LRRC8D: variants seen among roughly 807,000 people sequenced by gnomAD.
LRRC8D encodes the protein volume-regulated anion channel subunit LRRC8D.
In LRRC8D, 20 loss-of-function variants were observed where a neutral mutation model predicts 55.8. The ratio of observed to expected loss-of-function variants is 0.36; its 90% confidence interval spans 0.25 to 0.52. The LOEUF is 0.52. LRRC8D is among the 20% of genes least tolerant of loss of function. The probability of loss-of-function intolerance (pLI) is 0.93; values close to 1 mark genes in which losing one functional copy is unlikely to be tolerated. For synonymous variants in LRRC8D, 352 were observed against 377.0 expected (o/e 0.93, Z 0.77); for missense variants, 651 against 1,030.8 (o/e 0.63, Z 5.05).
intron 1 of LRRC8D, among the ~76,000 whole-genome samples, chr1:89,834,719 T>G (rs1660965630): frequency 6.6e-6 from 1 of 152,024 alleles, no homozygotes; most frequent in Admixed American, 6.6e-5. Context: ...TCAGGGGAGG[T>G]CTCACAAGGA....
chr1:89,907,812 C>A (rs1663033011), intron 2 of LRRC8D, among the ~76,000 whole-genome samples: 1 of 152,106 alleles, frequency 6.6e-6, no homozygotes, highest in Non-Finnish European at 1.5e-5. Flanking sequence ...CACCACCAGC[C>A]CCCTTGCGCC....
chr1:89,861,025 G>C (rs1357278989), intron 2 of LRRC8D, among the ~76,000 whole-genome samples: 1 of 151,920 alleles, frequency 6.6e-6, no homozygotes, highest in Non-Finnish European at 1.5e-5. Flanking sequence ...AAGCCATGCA[G>C]AGCTGGGCTG....
intron 1 of LRRC8D, among the ~76,000 whole-genome samples, chr1:89,839,219 G>A (rs1190146317): frequency 6.6e-6 from 1 of 152,216 alleles, no homozygotes; most frequent in Non-Finnish European, 1.5e-5. Flanking sequence ...TCCCTGCGAA[G>A]GTAGTTCTGA....
chr1:89,924,748 T>G (rs916058202), intron 2 of LRRC8D, among the ~76,000 whole-genome samples: 7 of 152,198 alleles, frequency 4.6e-5, no homozygotes, highest in Admixed American at 3.9e-4. Context: ...GAAAAGAATA[T>G]ATCATGTTTT....
intron 2 of LRRC8D, chr1:89,846,727 C>A (rs570859039): frequency 6.6e-6 from 1 of 151,988 alleles, no homozygotes; most frequent in South Asian, 2.1e-4. Flanking sequence ...GTGTCTGTGA[C>A]TAGATTTAGC....
At chr1:89,920,807 T>C (rs1259072938) in intron 2 of LRRC8D, among the ~76,000 whole-genome samples, 1 of 152,060 alleles carries the variant, frequency 6.6e-6, no homozygotes, top group Non-Finnish European at 1.5e-5. Flanking sequence ...GGGTGTGCTG[T>C]GTGAGTATCT....
chr1:89,896,718 T>G (rs1158111662), intron 2 of LRRC8D, among the ~76,000 whole-genome samples: 1 of 152,204 alleles, frequency 6.6e-6, no homozygotes, highest in Non-Finnish European at 1.5e-5. Flanking sequence ...ATCACACTAG[T>G]GATGATAATA....
chr1:89,836,314 T>G (rs1053994104), intron 1 of LRRC8D, among the ~76,000 whole-genome samples: 1 of 152,220 alleles, frequency 6.6e-6, no homozygotes, highest in South Asian at 2.1e-4. Flanking sequence ...ATTAAAGAAA[T>G]TAGAAATTAT....
At chr1:89,921,388 A>G (rs1200244100) in intron 2 of LRRC8D, among the ~76,000 whole-genome samples, 1 of 152,166 alleles carries the variant, frequency 6.6e-6, no homozygotes, top group Non-Finnish European at 1.5e-5. Flanking sequence ...TGTTATATTG[A>G]TTACATTAAT....
intron 2 of LRRC8D, among the ~76,000 whole-genome samples, chr1:89,893,673 AG>A (rs1384161635): frequency 6.6e-6 from 1 of 152,164 alleles, no homozygotes; most frequent in Non-Finnish European, 1.5e-5. Flanking sequence ...TTTAATATCT[AG>A]TATTTTAGAA....
At chr1:89,892,834 C>T (rs536701699) in intron 2 of LRRC8D, among the ~76,000 whole-genome samples, 1 of 152,156 alleles carries the variant, frequency 6.6e-6, no homozygotes, top group Non-Finnish European at 1.5e-5. Context: ...ATTGATATTT[C>T]TGTCAAATTC....
intron 2 of LRRC8D, among the ~76,000 whole-genome samples, chr1:89,906,487 T>C (rs1441227351): frequency 6.6e-6 from 1 of 152,244 alleles, no homozygotes; most frequent in Non-Finnish European, 1.5e-5. Context: ...CCTTTTCTAT[T>C]TTCCCCAACT....
At chr1:89,892,950 G>C (rs1662617053) in intron 2 of LRRC8D, among the ~76,000 whole-genome samples, 1 of 152,198 alleles carries the variant, frequency 6.6e-6, no homozygotes, top group Non-Finnish European at 1.5e-5. Flanking sequence ...CAGTTGACAT[G>C]TGGTTAATTT....
intron 2 of LRRC8D, among the ~76,000 whole-genome samples, chr1:89,890,373 G>T (rs534602211): frequency 3.3e-5 from 5 of 152,258 alleles, no homozygotes; most frequent in Admixed American, 1.3e-4. Context: ...CACTAATTCA[G>T]GGATGTTCTC....
chr1:89,931,166 C>T (rs1009236718), intron 2 of LRRC8D, among the ~76,000 whole-genome samples: 1 of 145,274 alleles, frequency 6.9e-6, no homozygotes, highest in African/African-American at 2.6e-5. Context: ...AAACTAACTA[C>T]AGATGTGATC....
chr1:89,920,631 A>T (rs1381999945), intron 2 of LRRC8D, among the ~76,000 whole-genome samples: 1 of 150,306 alleles, frequency 6.7e-6, no homozygotes, highest in African/African-American at 2.4e-5. Context: ...TATAGAGTAT[A>T]TTGTATACTT....
intron 2 of LRRC8D, among the ~76,000 whole-genome samples, chr1:89,929,320 G>C (rs1266668487): frequency 6.6e-6 from 1 of 152,182 alleles, no homozygotes; most frequent in African/African-American, 2.4e-5. Context: ...AATCAAGGCA[G>C]AGGAAACAAA....
intron 2 of LRRC8D, among the ~76,000 whole-genome samples, chr1:89,882,459 G>A (rs575301265): frequency 1.3e-5 from 2 of 152,324 alleles, no homozygotes; most frequent in East Asian, 3.9e-4. Context: ...TTTACTCTGT[G>A]AGATACACTG....
chr1:89,850,584 C>A (rs1267553705), intron 2 of LRRC8D, among the ~76,000 whole-genome samples: 1 of 152,208 alleles, frequency 6.6e-6, no homozygotes, highest in Non-Finnish European at 1.5e-5. Flanking sequence ...CATGCAAGTC[C>A]CTGCAAAGCA....
Sources: allele counts gnomAD v4.1 joint callset (sites outside exome capture counted in the v4.1 genomes callset), GRCh38; gene constraint gnomAD v4.1.1; transcripts MANE v1.5; gene names NCBI Gene and HGNC (gene_info 2026-07-23, HGNC 2026-07-21).